Variants in GADL1 observed in about 807,000 individuals in gnomAD.
GADL1 encodes acidic amino acid decarboxylase GADL1.
In GADL1, 71 loss-of-function variants were observed where a neutral mutation model predicts 69.5. The ratio of observed to expected loss-of-function variants is 1.02; its 90% CI spans 0.84 to 1.25. GADL1 has a LOEUF of 1.25. Ranked by LOEUF, GADL1 falls within the 50% of genes most tolerant of loss-of-function variation. The probability of loss-of-function intolerance (pLI) is 0.00; values close to 1 mark genes in which losing one functional copy is unlikely to be tolerated. For synonymous variants in GADL1, 254 were observed against 214.4 expected (o/e 1.18, Z -1.62); for missense variants, 737 against 631.8 (o/e 1.17, Z -1.79).
chr3:30,843,721 C>T (rs765944029), intron 8 of GADL1, among the ~76,000 whole-genome samples: 3 of 152,102 alleles, frequency 2.0e-5, no homozygotes, highest in African/African-American at 4.8e-5. Flanking sequence ...ACAGACCCAA[C>T]AGGGGTTGAT....
At chr3:30,803,986 T>G (rs1697208969) in intron 11 of GADL1, among the ~76,000 whole-genome samples, 1 of 152,216 alleles carries the variant, frequency 6.6e-6, no homozygotes, top group African/African-American at 2.4e-5. Flanking sequence ...GTAACATGGC[T>G]TTCAGAGACA....
intron 13 of GADL1, 71 bp from the exon 14 acceptor site, chr3:30,778,339 ACT>A (rs3043043): frequency 0.056 from 54,186 of 971,034 alleles, 7,892 homozygotes; most frequent in African/African-American, 0.42. Context: ...TACTTTTAAA[ACT>A]CTTAGCTAGT....
At chr3:30,852,002 G>C (rs1247650525) in intron 4 of GADL1, among the ~76,000 whole-genome samples, 1 of 152,050 alleles carries the variant, frequency 6.6e-6, no homozygotes, top group Non-Finnish European at 1.5e-5. Flanking sequence ...TTTCAATTGA[G>C]GGATTACATT....
At chr3:30,872,728 C>T (rs902459803) in intron 1 of GADL1, among the ~76,000 whole-genome samples, 1 of 151,808 alleles carries the variant, frequency 6.6e-6, no homozygotes, top group Non-Finnish European at 1.5e-5. Flanking sequence ...ATTTATCTTT[C>T]TCTAATTCTG....
chr3:30,814,830 G>C (rs974973250), intron 11 of GADL1, among the ~76,000 whole-genome samples: 1 of 152,070 alleles, frequency 6.6e-6, no homozygotes, highest in Non-Finnish European at 1.5e-5. Context: ...TGGGCATGGT[G>C]GTGGGCACCT....
intron 9 of GADL1, among the ~76,000 whole-genome samples, chr3:30,837,308 A>G (rs1697890310): frequency 6.6e-6 from 1 of 152,108 alleles, no homozygotes; most frequent in Non-Finnish European, 1.5e-5. Context: ...TCCTGTAGTA[A>G]TATTTTATTG....
chr3:30,808,841 T>G (rs145514881), intron 11 of GADL1, among the ~76,000 whole-genome samples: 2 of 152,334 alleles, frequency 1.3e-5, no homozygotes, highest in East Asian at 3.9e-4. Flanking sequence ...ATACAACATG[T>G]TACAAGTCCT....
chr3:30,878,739 T>A (rs1288173084), intron 1 of GADL1, among the ~76,000 whole-genome samples: 1 of 151,944 alleles, frequency 6.6e-6, no homozygotes, highest in Admixed American at 6.6e-5. Context: ...GTTTTAAGCG[T>A]ATTGTGGTGC....
rs1696578507 is a variant in GADL1, at chr3:30,778,107, T to C, written c.1392+72A>G. ...TCTGTGCTTGCTAGGCCCTCTTATT[T>C]ATAGGATCAACAGATAATGTACACT... On this transcript the variant is annotated intron_variant, in intron 14 of 14. Transcript: ENST00000282538. 9.2e-6 allele frequency: 8 copies of C among 873,796 alleles called. No individual in the cohort carries two copies. In the Middle Eastern group the frequency reaches 8.0e-4, roughly 88 times the overall value. The allele number at this position is 873,796 out of a possible 1,614,324, so 54.1% of individuals were successfully genotyped here.
intron 6 of GADL1, among the ~76,000 whole-genome samples, chr3:30,844,856 C>T (rs759003760): frequency 3.9e-5 from 6 of 152,098 alleles, no homozygotes; most frequent in South Asian, 2.1e-4. Flanking sequence ...ACTAGGACAC[C>T]GGAGGCTGTT....
chr3:30,796,824 C>T (rs1697042079), intron 12 of GADL1, among the ~76,000 whole-genome samples: 1 of 152,126 alleles, frequency 6.6e-6, no homozygotes, highest in Non-Finnish European at 1.5e-5. Flanking sequence ...TCGCTTACTA[C>T]CGAGAGTCCT....
At chr3:30,794,104 T>C (rs1191805591) in intron 12 of GADL1, among the ~76,000 whole-genome samples, 1 of 152,182 alleles carries the variant, frequency 6.6e-6, no homozygotes, top group Non-Finnish European at 1.5e-5. Flanking sequence ...CCTAGAGAAA[T>C]ACACTGGCAC....
At chr3:30,806,659 A>G (rs1697261961) in intron 11 of GADL1, among the ~76,000 whole-genome samples, 1 of 152,244 alleles carries the variant, frequency 6.6e-6, no homozygotes, top group African/African-American at 2.4e-5. Flanking sequence ...AAGGCACAAC[A>G]GAGCACAAAC....
intron 12 of GADL1, among the ~76,000 whole-genome samples, chr3:30,797,102 G>A (rs552220850): frequency 6.6e-6 from 1 of 152,308 alleles, no homozygotes; most frequent in South Asian, 2.1e-4. Context: ...GGAGTTTAAA[G>A]TGGGCTTACA....
intron 14 of GADL1, among the ~76,000 whole-genome samples, chr3:30,758,848 C>T (rs764756960): frequency 6.6e-6 from 1 of 152,176 alleles, no homozygotes; most frequent in East Asian, 1.9e-4. Context: ...GTACAAGTGT[C>T]GCCCTTTTGA....
chr3:30,794,961 T>C (rs75500664), intron 12 of GADL1, among the ~76,000 whole-genome samples: 10,309 of 152,110 alleles, frequency 0.068, 618 homozygotes, highest in South Asian at 0.23. Context: ...AGGAAAAGAG[T>C]TGCACAGCTT....
chr3:30,755,532 A>AG (rs1322497443), intron 14 of GADL1, among the ~76,000 whole-genome samples: 12 of 152,314 alleles, frequency 7.9e-5, no homozygotes, highest in African/African-American at 1.7e-4. Flanking sequence ...GGCCTGTCCT[A>AG]GGAGGGCTAT....
At position 30,782,969 on chromosome 3, in the gene GADL1, A is replaced by T. The variant is rs867260386; in HGVS notation, c.1302+3386T>A. 1.2e-4 allele frequency among the ~76,000 whole-genome samples: 19 copies of T among 152,330 alleles called. No individual in the cohort carries two copies. In the Middle Eastern group the frequency reaches 0.01, roughly 82 times the overall value. On this transcript the variant is annotated intron_variant, in intron 13 of 14. Coordinates refer to ENST00000282538, the MANE Select transcript of GADL1 (RefSeq NM_207359.3). The stretch of plus-strand genomic sequence containing the variant: ...AAGATAACAATGTAAGAAAAATCAC[A>T]ATGTGCTTGATACATATTAGTAGGT...
intron 1 of GADL1, among the ~76,000 whole-genome samples, chr3:30,875,285 C>T (rs557875038): frequency 1.3e-5 from 2 of 151,506 alleles, no homozygotes; most frequent in East Asian, 2.0e-4. Flanking sequence ...GGTAAGCATA[C>T]TAGGAAGAAA....
Sources: gnomAD v4.1 joint callset for allele counts (sites outside exome capture counted in the v4.1 genomes callset) on GRCh38, gnomAD v4.1.1 for gene constraint, MANE v1.5 for transcripts, NCBI Gene and HGNC (gene_info 2026-07-23, HGNC 2026-07-21) for gene names.